CDA: variants seen among roughly 807,000 people sequenced by gnomAD.
The protein encoded by CDA is cytidine deaminase, also known as cytidine aminohydrolase.
In CDA, 7 loss-of-function variants were observed where a neutral mutation model predicts 15.0. The ratio of observed to expected loss-of-function variants is 0.47; its 90% CI spans 0.26 to 0.87. CDA has a LOEUF of 0.87. Ranked by LOEUF, CDA falls within the 40% of genes least tolerant of loss-of-function variation. CDA has a pLI of 0.15. For missense variants in CDA, 159 were observed against 182.7 expected, an observed-to-expected ratio of 0.87 and a Z score of 0.75; for synonymous variants, 58 against 73.0, an observed-to-expected ratio of 0.79 and a Z score of 1.05.
At chr1:20,596,404 A>T (rs1477880846) in intron 1 of CDA, among the ~76,000 whole-genome samples, 1 of 152,128 alleles carries the variant, frequency 6.6e-6, no homozygotes, top group Non-Finnish European at 1.5e-5. Flanking sequence ...GCTCCAACCC[A>T]GCCCAGACCT....
At chr1:20,614,827 G>A (rs956665737) in intron 3 of CDA, among the ~76,000 whole-genome samples, 2 of 152,090 alleles carry the variant, frequency 1.3e-5, no homozygotes, top group East Asian at 3.9e-4. Context: ...GGAACGAAGG[G>A]TACATTTTAT....
intron 2 of CDA, among the ~76,000 whole-genome samples, chr1:20,610,261 C>CTT (rs760754305): frequency 0.24 from 15,002 of 61,774 alleles, 1,414 homozygotes; most frequent in Middle Eastern, 0.32. Context: ...CACACATTAT[C>CTT]TTTTTTTTTT....
chr1:20,617,811 CA>C (rs68178043), intron 3 of CDA, among the ~76,000 whole-genome samples: 50,564 of 129,702 alleles, frequency 0.39, 8,589 homozygotes, highest in African/African-American at 0.43. Context: ...TCTCCTGCCT[CA>C]AGCCTTCTGA....
At chr1:20,614,642 C>T (rs536888818) in intron 3 of CDA, among the ~76,000 whole-genome samples, 1 of 152,226 alleles carries the variant, frequency 6.6e-6, no homozygotes, top group East Asian at 1.9e-4. Context: ...AAAAATGAGA[C>T]AGACAAAGGT....
At chr1:20,613,093 A>C (rs910072723) in intron 2 of CDA, among the ~76,000 whole-genome samples, 1 of 152,116 alleles carries the variant, frequency 6.6e-6, no homozygotes, top group Non-Finnish European at 1.5e-5. Context: ...ATGGTGACTT[A>C]TGAACTCTAC....
intron 1 of CDA, among the ~76,000 whole-genome samples, chr1:20,593,442 G>A (rs953807982): frequency 6.6e-6 from 1 of 152,178 alleles, no homozygotes; most frequent in Non-Finnish European, 1.5e-5. Context: ...AGGGTAGCTG[G>A]ATCCAGGAAC....
intron 1 of CDA, among the ~76,000 whole-genome samples, chr1:20,599,647 T>TAAAATAAAATAAAACAAAAC (rs568052436): frequency 1.4e-5 from 2 of 146,894 alleles, no homozygotes; most frequent in Non-Finnish European, 3.0e-5. Context: ...TAAAATAAAA[T>TAAAATAAAATAAAACAAAAC]AAAACAAAAT....
chr1:20,610,128 G>A (rs2052733094), intron 2 of CDA, among the ~76,000 whole-genome samples: 1 of 152,070 alleles, frequency 6.6e-6, no homozygotes, highest in Non-Finnish European at 1.5e-5. Context: ...AATTTTGTCT[G>A]TTTTGTTCAC....
intron 2 of CDA, among the ~76,000 whole-genome samples, chr1:20,606,099 C>T (rs1443141894): frequency 1.6e-5 from 2 of 124,400 alleles, no homozygotes; most frequent in Non-Finnish European, 3.6e-5. Flanking sequence ...AAGTAAAGCC[C>T]GAGGTGCACT....
chr1:20,595,625 A>T (rs1332984715), intron 1 of CDA, among the ~76,000 whole-genome samples: 1 of 152,152 alleles, frequency 6.6e-6, no homozygotes, highest in Non-Finnish European at 1.5e-5. Flanking sequence ...GTCACTCAAA[A>T]GTGGCTCATT....
chr1:20,601,625 CTAA>C (rs1369965345), intron 1 of CDA, among the ~76,000 whole-genome samples: 1 of 152,208 alleles, frequency 6.6e-6, no homozygotes, highest in Non-Finnish European at 1.5e-5. Flanking sequence ...CCAGTAGTGT[CTAA>C]TGACATCCGT....
chr1:20,591,748 G>C (rs1398743729), intron 1 of CDA, among the ~76,000 whole-genome samples: 1 of 152,180 alleles, frequency 6.6e-6, no homozygotes, highest in African/African-American at 2.4e-5. Flanking sequence ...GAGGTTCCTG[G>C]GTTGGAAGGC....
intron 2 of CDA, among the ~76,000 whole-genome samples, chr1:20,609,532 A>C (rs746802563): frequency 2.6e-5 from 4 of 152,120 alleles, no homozygotes; most frequent in Non-Finnish European, 4.4e-5. Flanking sequence ...AGCAGGGGTC[A>C]GATCACACAG....
chr1:20,604,037 GTT>G (rs936146244), intron 1 of CDA, among the ~76,000 whole-genome samples: 3 of 130,756 alleles, frequency 2.3e-5, no homozygotes, highest in Non-Finnish European at 5.2e-5. Flanking sequence ...AGCTCGAGGT[GTT>G]TTTTTTGTTT....
At chr1:20,603,434 T>A (rs1387059005) in intron 1 of CDA, among the ~76,000 whole-genome samples, 2 of 152,246 alleles carry the variant, frequency 1.3e-5, no homozygotes, top group East Asian at 3.9e-4. Context: ...GTCAAAAGTG[T>A]CCCACCCCAT....
chr1:20,589,225 C>T lies in CDA; in HGVS notation c.96C>T (p.Pro32=). The T allele has an allele frequency of 6.2e-7, 1 of 1,613,886 alleles. No homozygotes were observed. The highest frequency in any genetic ancestry group is 8.5e-7 in the Non-Finnish European group (1 of 1,179,796). ...AGGCCAAGAAGTCAGCCTACTGCCC[C>T]TACAGTCACTTTCCTGTGGGGGCTG... is the stretch of plus-strand genomic sequence containing the variant. ...SQEAKKSAYC[P]YSHFPVGAAL... is the part of the protein sequence containing the mutation. The change falls in exon 1 of 4, where the codon CCC becomes CCT. Residue 32 remains proline (P), a synonymous_variant. Coordinates refer to ENST00000375071, the MANE Select transcript of CDA (RefSeq NM_001785.3).
At chr1:20,596,680 G>T (rs2052593825) in intron 1 of CDA, among the ~76,000 whole-genome samples, 1 of 151,664 alleles carries the variant, frequency 6.6e-6, no homozygotes, top group Admixed American at 6.6e-5. Flanking sequence ...TGGGTGCAGT[G>T]CTTTCTGGCA....
At chr1:20,608,066 A>T (rs550561003) in intron 2 of CDA, among the ~76,000 whole-genome samples, 1 of 149,640 alleles carries the variant, frequency 6.7e-6, no homozygotes, top group African/African-American at 2.4e-5. Flanking sequence ...AACTGTAAAT[A>T]GCCAGCAAAA....
At chr1:20,603,781 C>T (rs1313649525) in intron 1 of CDA, among the ~76,000 whole-genome samples, 1 of 152,158 alleles carries the variant, frequency 6.6e-6, no homozygotes, top group Non-Finnish European at 1.5e-5. Flanking sequence ...AGGGGAAAAC[C>T]CAGCTCCCAT....
Sources: gnomAD v4.1 joint callset for allele counts (sites outside exome capture counted in the v4.1 genomes callset) on GRCh38, gnomAD v4.1.1 for gene constraint, MANE v1.5 for transcripts, NCBI Gene and HGNC (gene_info 2026-07-23, HGNC 2026-07-21) for gene names.